The following UVRAG variants were observed in gnomAD, a reference collection of about 807,000 sequenced individuals.
UVRAG encodes the protein UV radiation resistance associated.
In UVRAG, 19 loss-of-function variants were observed where a neutral mutation model predicts 78.0. The ratio of observed to expected loss-of-function variants is 0.24; its 90% confidence interval spans 0.17 to 0.36. The LOEUF is 0.36. Among genes scored for constraint, UVRAG ranks in the 10% least tolerant of loss-of-function variants. UVRAG has a pLI of 1.00. For missense variants in UVRAG, 740 were observed against 853.8 expected, an observed-to-expected ratio of 0.87 and a Z score of 1.66; for synonymous variants, 323 against 324.6, an observed-to-expected ratio of 1.00 and a Z score of 0.05.
At chr11:75,988,702 T>C (rs1237205784) in intron 8 of UVRAG, among the ~76,000 whole-genome samples, 1 of 152,256 alleles carries the variant, frequency 6.6e-6, no homozygotes, top group Non-Finnish European at 1.5e-5. Flanking sequence ...CAACTAGCAA[T>C]GTATGAGAGT....
chr11:76,110,996 G>T (rs181327042), intron 13 of UVRAG, among the ~76,000 whole-genome samples: 1 of 152,044 alleles, frequency 6.6e-6, no homozygotes, highest in Non-Finnish European at 1.5e-5. Context: ...GTAGCTGGGA[G>T]GCGCACACCA....
chr11:76,046,097 A>G (rs534710250), intron 12 of UVRAG, among the ~76,000 whole-genome samples: 1 of 152,334 alleles, frequency 6.6e-6, no homozygotes, highest in Admixed American at 6.5e-5. Context: ...AAGCAATGGA[A>G]CAATCCTTCA....
chr11:76,093,498 T>C (rs965306408), intron 13 of UVRAG, among the ~76,000 whole-genome samples: 2 of 152,228 alleles, frequency 1.3e-5, no homozygotes, highest in African/African-American at 4.8e-5. Flanking sequence ...GAGCATGGAA[T>C]GTTCTTCCAT....
intron 12 of UVRAG, among the ~76,000 whole-genome samples, chr11:76,051,260 T>A (rs541965226): frequency 6.6e-6 from 1 of 152,280 alleles, no homozygotes; most frequent in Admixed American, 6.5e-5. Context: ...TGGTGTTTTT[T>A]TTTTTCTTAA....
At chr11:75,921,521 A>C (rs1286416989) in intron 6 of UVRAG, among the ~76,000 whole-genome samples, 1 of 152,106 alleles carries the variant, frequency 6.6e-6, no homozygotes, top group African/African-American at 2.4e-5. Context: ...TTATACAAAA[A>C]GTTCATATTT....
intron 2 of UVRAG, among the ~76,000 whole-genome samples, chr11:75,857,505 T>C (rs1946318316): frequency 6.6e-6 from 1 of 151,036 alleles, no homozygotes; most frequent in Admixed American, 6.6e-5. Flanking sequence ...CCCTTTTTTT[T>C]TTGAGATGGA....
At chr11:75,910,728 G>T (rs948368582) in intron 5 of UVRAG, among the ~76,000 whole-genome samples, 1 of 151,982 alleles carries the variant, frequency 6.6e-6, no homozygotes, top group African/African-American at 2.4e-5. Flanking sequence ...TATCATTACT[G>T]AACTCAGTCT....
intron 8 of UVRAG, chr11:75,983,751 G>T: frequency 2.6e-6 from 1 of 384,938 alleles, no homozygotes; most frequent in Non-Finnish European, 4.5e-6. Context: ...CTATATGGCT[G>T]TAAACTTGTA....
At chr11:75,930,253 G>A (rs1158952319) in intron 6 of UVRAG, among the ~76,000 whole-genome samples, 1 of 152,120 alleles carries the variant, frequency 6.6e-6, no homozygotes, top group Admixed American at 6.5e-5. Flanking sequence ...CTGTTCCATG[G>A]TGTTTTTTAA....
At chr11:75,819,947 G>A (rs1945349177) in intron 1 of UVRAG, among the ~76,000 whole-genome samples, 1 of 152,066 alleles carries the variant, frequency 6.6e-6, no homozygotes, top group Non-Finnish European at 1.5e-5. Flanking sequence ...CAACCTGGGC[G>A]ACAAGAGCGA....
intron 13 of UVRAG, among the ~76,000 whole-genome samples, chr11:76,079,189 GT>G (rs996003799): frequency 3.5e-4 from 54 of 152,128 alleles, no homozygotes; most frequent in African/African-American, 1.3e-3. Context: ...GATCAAAAAG[GT>G]TTTAAGATTC....
chr11:76,050,006 A>G (rs1037781707), intron 12 of UVRAG, among the ~76,000 whole-genome samples: 2 of 152,212 alleles, frequency 1.3e-5, no homozygotes, highest in Admixed American at 1.3e-4. Flanking sequence ...GATTGTATAG[A>G]TAAAGTATAA....
At chr11:75,988,601 T>C (rs915000277) in intron 8 of UVRAG, among the ~76,000 whole-genome samples, 3 of 152,230 alleles carry the variant, frequency 2.0e-5, no homozygotes, top group Non-Finnish European at 4.4e-5. Context: ...TATATTCTCT[T>C]GGTTAAATAT....
chr11:76,040,669 C>G (rs1348989616), intron 12 of UVRAG, among the ~76,000 whole-genome samples: 1 of 151,986 alleles, frequency 6.6e-6, no homozygotes, highest in African/African-American at 2.4e-5. Context: ...AATTCTCGTG[C>G]CTCAGCCTCC....
chr11:75,988,215 A>G (rs1436334798), intron 8 of UVRAG, among the ~76,000 whole-genome samples: 1 of 152,202 alleles, frequency 6.6e-6, no homozygotes, highest in African/African-American at 2.4e-5. Flanking sequence ...AGCTACCACC[A>G]CAATCAGTGA....
chr11:76,135,595 A>G (rs1298657397), intron 14 of UVRAG, among the ~76,000 whole-genome samples: 1 of 152,248 alleles, frequency 6.6e-6, no homozygotes, highest in Non-Finnish European at 1.5e-5. Flanking sequence ...TAAATTTGCA[A>G]TTATGATATC....
intron 6 of UVRAG, among the ~76,000 whole-genome samples, chr11:75,926,393 G>T (rs1948105342): frequency 6.6e-6 from 1 of 152,174 alleles, no homozygotes; most frequent in Non-Finnish European, 1.5e-5. Flanking sequence ...AGAGGAAAAT[G>T]ACTTTTCCAC....
rs1027122409 is a variant in UVRAG, at chr11:75,815,224, T to C, written c.-184T>C. ...GGTTGCACTGCGGTAATATGGCTCT[T>C]CCTTAGCCAGCGGCGGCAACGGCGG... On this transcript the variant is annotated 5_prime_UTR_variant, in exon 1 of 15. Transcript: ENST00000356136. 6.8e-6 allele frequency: 3 copies of C among 443,240 alleles called. No individual in the cohort carries two copies. Among genetic ancestry groups the C allele is most frequent in the Admixed American group, 8.6e-5 (2 of 23,160 alleles). The allele number at this position is 443,240 out of a possible 1,614,324, so 27.5% of individuals were successfully genotyped here.
intron 7 of UVRAG, among the ~76,000 whole-genome samples, chr11:75,970,035 T>C (rs1464305626): frequency 6.6e-6 from 1 of 152,240 alleles, no homozygotes; most frequent in Admixed American, 6.5e-5. Flanking sequence ...ACCAAATTGC[T>C]GTTTGCTTAA....
Sources: gnomAD v4.1 joint callset for allele counts (sites outside exome capture counted in the v4.1 genomes callset) on GRCh38, gnomAD v4.1.1 for gene constraint, MANE v1.5 for transcripts, NCBI Gene and HGNC (gene_info 2026-07-23, HGNC 2026-07-21) for gene names.